Variants in CREB1 observed in about 807,000 individuals in gnomAD.
The protein encoded by CREB1 is cAMP responsive element binding protein 1, also known as cyclic AMP-responsive element-binding protein 1.
CREB1 carries 2 observed loss-of-function variants against 42.0 expected under a neutral mutation model. The ratio of observed to expected loss-of-function variants is 0.05; its 90% CI spans 0.02 to 0.15. The LOEUF (loss-of-function observed/expected upper bound fraction) is 0.15. Among genes scored for constraint, CREB1 ranks in the 10% least tolerant of loss-of-function variants. The pLI is 1.00. For missense variants in CREB1, 199 were observed against 388.9 expected, an observed-to-expected ratio of 0.51 and a Z score of 4.11; for synonymous variants, 123 against 139.9, an observed-to-expected ratio of 0.88 and a Z score of 0.85.
chr2:207,546,642 G>A (rs185339565), intron 1 of CREB1, among the ~76,000 whole-genome samples: 33 of 152,152 alleles, frequency 2.2e-4, no homozygotes, highest in Non-Finnish European at 3.7e-4. Flanking sequence ...CAAGAGAACC[G>A]CTTGAACCTG....
chr2:207,592,426 C>T (rs1049323787), intron 7 of CREB1, among the ~76,000 whole-genome samples: 1 of 151,130 alleles, frequency 6.6e-6, no homozygotes, highest in African/African-American at 2.4e-5. Flanking sequence ...AAAGATGTCA[C>T]TTTTTTTCTT....
At chr2:207,531,296 A>C (rs2080617251) in intron 1 of CREB1, among the ~76,000 whole-genome samples, 1 of 152,036 alleles carries the variant, frequency 6.6e-6, no homozygotes, top group East Asian at 1.9e-4. Context: ...TTTCCCACGA[A>C]TTTCTGTGTG....
At chr2:207,590,945 ATTTT>A (rs1193384059) in intron 7 of CREB1, among the ~76,000 whole-genome samples, 2 of 152,124 alleles carry the variant, frequency 1.3e-5, no homozygotes, top group Non-Finnish European at 2.9e-5. Context: ...CAGTTTAAAA[ATTTT>A]TTTATTTCCT....
chr2:207,532,541 C>T (rs1364667945), intron 1 of CREB1, among the ~76,000 whole-genome samples: 2 of 151,132 alleles, frequency 1.3e-5, no homozygotes, highest in Non-Finnish European at 3.0e-5. Flanking sequence ...GGTGTCGTGG[C>T]GCGTGCTTGT....
At chr2:207,554,938 A>G (rs1345549240) in intron 1 of CREB1, among the ~76,000 whole-genome samples, 3 of 152,068 alleles carry the variant, frequency 2.0e-5, no homozygotes, top group Non-Finnish European at 1.5e-5. Context: ...GTATGGTGCA[A>G]TGCACGTGTA....
chr2:207,587,988 G>A (rs930352414), intron 7 of CREB1, among the ~76,000 whole-genome samples: 4 of 152,134 alleles, frequency 2.6e-5, no homozygotes, highest in Admixed American at 2.6e-4. Flanking sequence ...TTGAGGTGAT[G>A]GATATGCTAG....
At chr2:207,570,559 G>C (rs760297212) in intron 5 of CREB1, among the ~76,000 whole-genome samples, 3 of 152,044 alleles carry the variant, frequency 2.0e-5, no homozygotes, top group Non-Finnish European at 4.4e-5. Context: ...ATGTCCTTTT[G>C]TTTTTGTGCA....
chr2:207,531,123 TAAG>T (rs995824618), intron 1 of CREB1, among the ~76,000 whole-genome samples: 1 of 152,222 alleles, frequency 6.6e-6, no homozygotes, highest in African/African-American at 2.4e-5. Context: ...CCCTTTTTAA[TAAG>T]GTAATCATCA....
rs1559098261 is a variant in CREB1, at chr2:207,603,219, T to C, written c.*6161T>C. ...TGTGTAAAGAAAAAAATGTACTGAG[T>C]TACAATGCATTTTATTAACACTATG... On this transcript the variant is annotated 3_prime_UTR_variant, in exon 8 of 8. Coordinates refer to ENST00000353267, the MANE Select transcript of CREB1 (RefSeq NM_004379.5). The C allele has an allele frequency of 4.6e-6, 1 of 217,990 alleles. No homozygotes were observed. Among genetic ancestry groups the C allele is most frequent in the Non-Finnish European group, 9.2e-6 (1 of 108,494 alleles). 13.5% of individuals were successfully genotyped at this position (217,990 alleles called of 1,614,324 possible). A position where few individuals can be genotyped will look rare whatever the true frequency, so the allele number is the denominator to read the frequency against.
Position 207,600,953 on chromosome 2 carries a change from A to C in CREB1, c.*3895A>C, listed in dbSNP as rs1378636354. 1 of 194,178 alleles carries C rather than the reference A, an allele frequency of 5.1e-6. No individual in the cohort carries two copies. The highest frequency in any genetic ancestry group is 2.4e-5 in the African/African-American group (1 of 42,196). The allele number at this position is 194,178 out of a possible 1,614,324, so 12.0% of individuals were successfully genotyped here. ...TAATATTTAACAAATTTTTAATTCT[A>C]TGATCAGCCACAGTCAGCTATTACC... On this transcript the variant is annotated 3_prime_UTR_variant, in exon 8 of 8. Coordinates refer to ENST00000353267, the MANE Select transcript of CREB1 (RefSeq NM_004379.5).
chr2:207,558,521 C>G (rs2081823498), intron 2 of CREB1, among the ~76,000 whole-genome samples: 1 of 152,136 alleles, frequency 6.6e-6, no homozygotes, highest in South Asian at 2.1e-4. Flanking sequence ...TCTACTACTA[C>G]TAACTGCCCT....
At position 207,604,579 on chromosome 2, in the gene CREB1, A is replaced by T. The variant is rs149629990; in HGVS notation, c.*7521A>T. On this transcript the variant is annotated 3_prime_UTR_variant, in exon 8 of 8. Coordinates refer to ENST00000353267, the MANE Select transcript of CREB1 (RefSeq NM_004379.5). ...AGGAAGGATAATGTCCAGGAGTTGG[A>T]ATGTTATCCTTGTTTTTAATTAAGA... 3.0e-3 allele frequency among the ~76,000 whole-genome samples: 463 copies of T among 152,292 alleles called. 2 individuals are homozygous for T. Among genetic ancestry groups the T allele is most frequent in the Middle Eastern group, 0.01 (3 of 294 alleles).
chr2:207,566,962 T>A (rs1447544898), intron 3 of CREB1, among the ~76,000 whole-genome samples: 1 of 152,118 alleles, frequency 6.6e-6, no homozygotes, highest in East Asian at 1.9e-4. Flanking sequence ...TTGAAACATG[T>A]TAGGAGTTTT....
At chr2:207,592,165 C>T (rs1301770679) in intron 7 of CREB1, among the ~76,000 whole-genome samples, 2 of 152,044 alleles carry the variant, frequency 1.3e-5, no homozygotes, top group Non-Finnish European at 2.9e-5. Flanking sequence ...AAAGATGTCA[C>T]TTAAGGCTGA....
intron 2 of CREB1, among the ~76,000 whole-genome samples, chr2:207,557,611 C>T (rs2709404): frequency 0.16 from 23,654 of 151,558 alleles, 2,030 homozygotes; most frequent in Middle Eastern, 0.21. Flanking sequence ...GAACCCGAGA[C>T]CGCACCACTG....
intron 1 of CREB1, among the ~76,000 whole-genome samples, chr2:207,543,320 GTTA>G (rs2081169555): frequency 6.6e-6 from 1 of 152,118 alleles, no homozygotes; most frequent in Non-Finnish European, 1.5e-5. Flanking sequence ...CCAAGAATTT[GTTA>G]TTTATTATGA....
At chr2:207,566,564 G>T (rs1429984745) in intron 3 of CREB1, among the ~76,000 whole-genome samples, 1 of 152,122 alleles carries the variant, frequency 6.6e-6, no homozygotes, top group Non-Finnish European at 1.5e-5. Flanking sequence ...ATAACAGTCT[G>T]GTTTGAGACT....
chr2:207,564,468 C>A (rs556871112), intron 3 of CREB1, among the ~76,000 whole-genome samples: 1 of 151,530 alleles, frequency 6.6e-6, no homozygotes, highest in Non-Finnish European at 1.5e-5. Context: ...GTGATCGCAC[C>A]ACTGCACTCC....
intron 7 of CREB1, among the ~76,000 whole-genome samples, chr2:207,580,463 T>A (rs1396439746): frequency 6.6e-6 from 1 of 152,226 alleles, no homozygotes; most frequent in Non-Finnish European, 1.5e-5. Flanking sequence ...GTGGTTTTGC[T>A]GCACCCCCAG....
Sources: gnomAD v4.1 joint callset for allele counts (sites outside exome capture counted in the v4.1 genomes callset) on GRCh38, gnomAD v4.1.1 for gene constraint, MANE v1.5 for transcripts, NCBI Gene and HGNC (gene_info 2026-07-23, HGNC 2026-07-21) for gene names.